Variants in HSPA4 observed in about 807,000 individuals in gnomAD.
HSPA4 encodes heat shock protein family A (Hsp70) member 4, also known as heat shock 70 kDa protein 4.
A neutral mutation model predicts 106.2 loss-of-function variants in HSPA4; 25 were observed. That is an observed-to-expected ratio of 0.24 (90% CI 0.17 to 0.33). The LOEUF is 0.33. Among genes scored for constraint, HSPA4 ranks in the 10% least tolerant of loss-of-function variants. HSPA4 has a pLI of 1.00. For synonymous variants in HSPA4, 332 were observed against 333.6 expected (o/e 1.00, Z 0.05); for missense variants, 841 against 996.0 (o/e 0.84, Z 2.10).
chr5:133,078,635 C>CAAAA (rs57393822), intron 7 of HSPA4, among the ~76,000 whole-genome samples: 2 of 79,564 alleles, frequency 2.5e-5, no homozygotes, highest in African/African-American at 4.8e-5. Context: ...ACACTGTCTC[C>CAAAA]AAAAAAAAAA....
At chr5:133,080,180 G>A (rs779176500) in intron 7 of HSPA4, among the ~76,000 whole-genome samples, 3 of 151,468 alleles carry the variant, frequency 2.0e-5, no homozygotes, top group Admixed American at 1.3e-4. Context: ...TTGGGACGTC[G>A]AGGTGGGCGG....
chr5:133,063,849 A>T (rs532302085), intron 1 of HSPA4, among the ~76,000 whole-genome samples: 102 of 145,284 alleles, frequency 7.0e-4, no homozygotes, highest in African/African-American at 1.5e-3. Context: ...GCAACCTCCG[A>T]CTCCTTGGTT....
intron 11 of HSPA4, among the ~76,000 whole-genome samples, chr5:133,090,241 A>G (rs1765629724): frequency 6.6e-6 from 1 of 151,974 alleles, no homozygotes; most frequent in Non-Finnish European, 1.5e-5. Context: ...CCTGGCTAAC[A>G]TGGTGAAACC....
At chr5:133,066,951 A>G (rs987583332) in intron 2 of HSPA4, among the ~76,000 whole-genome samples, 7 of 151,992 alleles carry the variant, frequency 4.6e-5, no homozygotes, top group Admixed American at 6.6e-5. Context: ...CCTGACCTCA[A>G]ATGAGGCCCT....
intron 7 of HSPA4, among the ~76,000 whole-genome samples, chr5:133,078,640 A>AG (rs1397743485): frequency 1.4e-5 from 2 of 140,254 alleles, no homozygotes; most frequent in African/African-American, 5.7e-5. Flanking sequence ...GTCTCCAAAA[A>AG]AAAAAAAAAA....
At chr5:133,076,121 G>T (rs537925539) in intron 6 of HSPA4, 2 of 153,672 alleles carry the variant, frequency 1.3e-5, no homozygotes, top group African/African-American at 4.8e-5. Context: ...ATCTGTTAGA[G>T]ATTTGAAAAC....
chr5:133,076,646 T>C lies in HSPA4; in HGVS notation c.664-8T>C. 2 of 1,606,896 alleles carry C rather than the reference T, an allele frequency of 1.2e-6. No individual in the cohort carries two copies. The highest frequency in any genetic ancestry group is 1.7e-6 in the Non-Finnish European group (2 of 1,174,638). On this transcript the variant is annotated splice_polypyrimidine_tract_variant and splice_region_variant and intron_variant, in intron 6 of 18. Coordinates refer to ENST00000304858, the MANE Select transcript of HSPA4 (RefSeq NM_002154.4). ...AATTGTTAGATTAATTCTCATTTTT[T>C]CCTTAAGGTTCTGGCCACTGCATTT...
At chr5:133,093,594 G>A (rs1449781032) in intron 13 of HSPA4, among the ~76,000 whole-genome samples, 1 of 152,012 alleles carries the variant, frequency 6.6e-6, no homozygotes, top group Non-Finnish European at 1.5e-5. Flanking sequence ...AGGTTCAAGC[G>A]ATTCTTATGC....
chr5:133,096,231 A>G lies in HSPA4; in HGVS notation c.1784A>G (p.Asn595Ser), dbSNP rs1191833818. The part of the protein sequence containing the change: ...LLWQIDREML[N>S]LYIENEGKMI... ...TGGCAGATAGACAGAGAGATGCTCA[A>G]CTTGTACATTGAAAATGAGGTTGTT... The change falls in exon 14 of 19, where the codon AAC becomes AGC. Residue 595 changes from asparagine (N) to serine (S), a missense_variant. By Grantham distance (46) the Asn-to-Ser change is conservative (BLOSUM62 1). Around this residue, in one of 5 missense-constraint regions of HSPA4, gnomAD observed 328 missense variants for 372.2 expected, o/e 0.88. Transcript: ENST00000304858. 2 of 1,613,620 alleles carry G rather than the reference A, an allele frequency of 1.2e-6. No individual in the cohort carries two copies. The highest frequency in any genetic ancestry group is 1.7e-6 in the Non-Finnish European group (2 of 1,179,710).
chr5:133,080,631 TC>T (rs1164178953), intron 7 of HSPA4, among the ~76,000 whole-genome samples: 1 of 151,936 alleles, frequency 6.6e-6, no homozygotes, highest in Non-Finnish European at 1.5e-5. Context: ...TTTTGGGAAT[TC>T]CTACATAATT....
intron 6 of HSPA4, among the ~76,000 whole-genome samples, chr5:133,074,992 C>G (rs1461227862): frequency 6.6e-6 from 1 of 152,132 alleles, no homozygotes; most frequent in Non-Finnish European, 1.5e-5. Flanking sequence ...GCCTTGTACC[C>G]ATTGGAGATT....
chr5:133,075,657 G>A (rs1202818215), intron 6 of HSPA4, among the ~76,000 whole-genome samples: 2 of 151,810 alleles, frequency 1.3e-5, no homozygotes, highest in East Asian at 1.9e-4. Flanking sequence ...GCAAAACCCC[G>A]TCTCTACAAA....
chr5:133,063,831 G>A (rs1422578634), intron 1 of HSPA4, among the ~76,000 whole-genome samples: 2 of 151,824 alleles, frequency 1.3e-5, no homozygotes, highest in South Asian at 2.1e-4. Context: ...GCACAATCTC[G>A]GCTCACTGCA....
intron 1 of HSPA4, among the ~76,000 whole-genome samples, chr5:133,063,724 C>T (rs1419758718): frequency 7.2e-5 from 11 of 151,852 alleles, no homozygotes. Flanking sequence ...TGAGCCACCA[C>T]GCTCGGCCAA....
At chr5:133,084,820 C>CT (rs1454413511) in intron 7 of HSPA4, among the ~76,000 whole-genome samples, 4 of 151,628 alleles carry the variant, frequency 2.6e-5, no homozygotes, top group South Asian at 2.1e-4. Context: ...CCACTTTTCC[C>CT]TTTTTTTTGG....
At chr5:133,071,688 A>G (rs1458668515) in intron 4 of HSPA4, among the ~76,000 whole-genome samples, 1 of 152,180 alleles carries the variant, frequency 6.6e-6, no homozygotes, top group Non-Finnish European at 1.5e-5. Context: ...TGATTGGCAA[A>G]GCAAGGACTG....
intron 6 of HSPA4, among the ~76,000 whole-genome samples, chr5:133,074,893 T>C (rs1450208438): frequency 6.6e-6 from 1 of 152,190 alleles, no homozygotes; most frequent in Non-Finnish European, 1.5e-5. Context: ...TTATCTAGAA[T>C]TTGGTGAAGA....
At chr5:133,104,201 A>G (rs747361374) in intron 18 of HSPA4, 32 bp from the exon 19 acceptor site, 1 of 1,599,170 alleles carries the variant, frequency 6.3e-7, no homozygotes, top group Non-Finnish European at 8.6e-7. Flanking sequence ...TTAATTTTAT[A>G]AGAAACCAGT....
In HSPA4 at chr5:133,089,649, C is replaced by T; in HGVS notation, c.1332C>T (p.Ala444=). Residue 444 remains alanine (A), a synonymous_variant, in exon 11 of 19, where the codon GCC becomes GCT. Transcript: ENST00000304858. The part of the protein sequence containing the change: ...FYRKEPFTLE[A]YYSSPQDLPY... The stretch of plus-strand genomic sequence containing the variant: ...GAAAGGAACCTTTCACTCTTGAGGC[C>T]TACTACAGCTCTCCTCAGGATTTGC... The T allele has an allele frequency of 6.2e-7, 1 of 1,611,210 alleles. No homozygotes were observed. Among genetic ancestry groups the T allele is most frequent in the Non-Finnish European group, 8.5e-7 (1 of 1,178,044 alleles).
Sources: gnomAD v4.1 joint callset for allele counts (sites outside exome capture counted in the v4.1 genomes callset) on GRCh38, gnomAD v4.1.1 for gene constraint, gnomAD v4.1.1 regional missense constraint, MANE v1.5 for transcripts, NCBI Gene and HGNC (gene_info 2026-07-23, HGNC 2026-07-21) for gene names.